RAC2: variants seen among roughly 807,000 people sequenced by gnomAD.
The protein encoded by RAC2 is Rac family small GTPase 2.
In RAC2, 1 loss-of-function variant was observed where a neutral mutation model predicts 24.0. That is an observed-to-expected ratio of 0.04 (90% CI 0.01 to 0.20). The LOEUF (loss-of-function observed/expected upper bound fraction) is 0.20. Ranked by LOEUF, RAC2 falls within the 10% of genes least tolerant of loss-of-function variation. The probability of loss-of-function intolerance (pLI) is 1.00; values close to 1 mark genes in which losing one functional copy is unlikely to be tolerated. For synonymous variants in RAC2, 114 were observed against 106.8 expected (o/e 1.07, Z -0.41); for missense variants, 130 against 259.1 (o/e 0.50, Z 3.42).
intron 2 of RAC2, among the ~76,000 whole-genome samples, chr22:37,236,423 G>T (rs186830578): frequency 2.6e-5 from 4 of 152,180 alleles, no homozygotes; most frequent in African/African-American, 9.7e-5. Flanking sequence ...CCCATTTTCC[G>T]GATGAAGAAA....
chr22:37,240,904 C>T (rs763022107), intron 2 of RAC2: 16 of 655,700 alleles, frequency 2.4e-5, no homozygotes, highest in South Asian at 5.2e-5. Context: ...CAGTAGGGTC[C>T]GGAGGAGGCA....
rs144224728 is a variant in RAC2 at position 37,231,247 on chromosome 22, T to G, written c.432A>C (p.Ala144=). The change falls in exon 5 of 7, where the codon GCA becomes GCC. Residue 144 remains alanine (A), a synonymous_variant. Transcript: ENST00000249071. The surrounding 1 kb of genome is among the most constrained non-coding windows in gnomAD (Gnocchi z 5.5). The stretch of plus-strand genomic sequence containing the variant: ...GGCCCATACCAATCTCCTTGGCCAG[T>G]GCCAGGCCCTGCGGGTAGGTGATGG... The part of the protein sequence containing the change: ...LAPITYPQGL[A]LAKEIDSVKY... 34 of 1,613,314 alleles carry G rather than the reference T, an allele frequency of 2.1e-5. No homozygotes were observed. The African/African-American group carries it at 4.0e-4, about 19-fold the overall frequency.
intron 1 of RAC2, among the ~76,000 whole-genome samples, chr22:37,243,389 T>C (rs1361465781): frequency 2.0e-5 from 3 of 152,074 alleles, no homozygotes; most frequent in African/African-American, 7.2e-5. Flanking sequence ...GAGAAGGGTC[T>C]CAGCCCAGCC....
chr22:37,231,713 T>C lies in RAC2; in HGVS notation c.288+219A>G, dbSNP rs1017432111. On this transcript the variant is annotated intron_variant, in intron 4 of 6. Transcript: ENST00000249071. The surrounding 1 kb of genome is among the most constrained non-coding windows in gnomAD (Gnocchi z 5.5). ...TGTGGGGAGGAGGAGAATGCAGCCA[T>C]GGAAAGTGGGGGTATAGCTAACTAT... Among the ~76,000 whole-genome samples, 2 of 151,872 alleles carry C rather than the reference T, an allele frequency of 1.3e-5. No individual in the cohort carries two copies. The highest frequency in any genetic ancestry group is 1.3e-4 in the Admixed American group (2 of 15,258).
chr22:37,231,934 T>G lies in RAC2; in HGVS notation c.286A>C (p.Lys96Gln). Residue 96 changes from lysine (K) to glutamine (Q), a missense_variant and splice_region_variant, in exon 4 of 7, where the codon AAG (lysine) becomes CAG (glutamine). Transcript: ENST00000249071. This position sits in a 1 kb window ranked among gnomAD's most constrained non-coding sequence, Gnocchi z 5.5. ...SPASYENVRA[K>Q]WFPEVRHHCP... The stretch of plus-strand genomic sequence containing the variant: ...AAGGCCCACCCTGTCCAGCTCACCT[T>G]GGCGCGGACGTTCTCATAAGAGGCT... 1 of 1,551,804 alleles carries G rather than the reference T, an allele frequency of 6.4e-7. No homozygotes were observed. Among genetic ancestry groups the G allele is most frequent in the Non-Finnish European group, 8.7e-7 (1 of 1,147,108 alleles).
At chr22:37,243,633 G>C (rs925732524) in intron 1 of RAC2, among the ~76,000 whole-genome samples, 8 of 152,170 alleles carry the variant, frequency 5.3e-5, no homozygotes, top group African/African-American at 1.9e-4. Flanking sequence ...GCATCCCCAG[G>C]GCATAGGCCT....
At chr22:37,243,828 C>T (rs551558731) in intron 1 of RAC2, among the ~76,000 whole-genome samples, 3 of 152,320 alleles carry the variant, frequency 2.0e-5, no homozygotes, top group Admixed American at 6.5e-5. Context: ...AGACCTGCCC[C>T]CAGCTTTTGG....
At chr22:37,241,422 A>G (rs1927388085) in intron 2 of RAC2, among the ~76,000 whole-genome samples, 165 bp downstream of exon 2, 1 of 152,156 alleles carries the variant, frequency 6.6e-6, no homozygotes, top group Middle Eastern at 3.2e-3. Flanking sequence ...AGCACCTCTC[A>G]GCGCCAGTGC....
At chr22:37,240,957 TTGAG>T (rs1327595886) in intron 2 of RAC2, 2 of 704,468 alleles carry the variant, frequency 2.8e-6, no homozygotes, top group Non-Finnish European at 5.3e-6. Context: ...AGGTGGGAGG[TTGAG>T]TGAAGGCCAT....
At chr22:37,233,772 G>A (rs1927145027) in intron 2 of RAC2, among the ~76,000 whole-genome samples, 1 of 152,242 alleles carries the variant, frequency 6.6e-6, no homozygotes, top group Admixed American at 6.5e-5. Flanking sequence ...TGTCATGGCT[G>A]TGGACTGCTG....
intron 2 of RAC2, chr22:37,241,162 C>T (rs980485678): frequency 2.6e-6 from 2 of 778,498 alleles, no homozygotes; most frequent in African/African-American, 3.4e-5. Flanking sequence ...CAGGGCCTCC[C>T]AGGCCTGCAG....
chr22:37,244,082 G>T, intron 1 of RAC2, 32 bp downstream of exon 1: 1 of 1,613,782 alleles, frequency 6.2e-7, no homozygotes, highest in Non-Finnish European at 8.5e-7. Flanking sequence ...ATCCCAGTTG[G>T]GGGCTGTGAG....
chr22:37,241,067 A>C (rs1160182322), intron 2 of RAC2: 1 of 740,708 alleles, frequency 1.4e-6, no homozygotes, highest in African/African-American at 1.7e-5. Flanking sequence ...GTGCCTCCCC[A>C]GTCATCCTTC....
chr22:37,230,264 A>C (rs1322041150), intron 5 of RAC2, among the ~76,000 whole-genome samples: 2 of 23,760 alleles, frequency 8.4e-5, no homozygotes, highest in African/African-American at 1.7e-4. Context: ...CGGCAGGGGG[A>C]GGTGGGGCGG....
At chr22:37,236,954 G>C (rs969415589) in intron 2 of RAC2, among the ~76,000 whole-genome samples, 9 of 152,176 alleles carry the variant, frequency 5.9e-5, no homozygotes, top group African/African-American at 2.2e-4. Context: ...ACTTTGGGAG[G>C]CTGAGGCAGG....
intron 2 of RAC2, among the ~76,000 whole-genome samples, chr22:37,238,161 A>G (rs1404855431): frequency 6.6e-6 from 1 of 152,040 alleles, no homozygotes; most frequent in East Asian, 1.9e-4. Flanking sequence ...CATTAAGATG[A>G]GTTTTAAGTG....
At chr22:37,234,731 T>C (rs1003813512) in intron 2 of RAC2, among the ~76,000 whole-genome samples, 3 of 152,166 alleles carry the variant, frequency 2.0e-5, no homozygotes, top group Admixed American at 2.0e-4. Flanking sequence ...GCTGTCCATA[T>C]GTTCTCACCA....
intron 2 of RAC2, among the ~76,000 whole-genome samples, chr22:37,239,570 A>AGCCTCAGCC (rs2145829870): frequency 6.6e-6 from 1 of 152,298 alleles, no homozygotes; most frequent in African/African-American, 2.4e-5. Flanking sequence ...TGGCCTCAGC[A>AGCCTCAGCC]GCCTCAGCCA....
intron 1 of RAC2, 36 bp downstream of exon 1, chr22:37,244,078 G>C: frequency 6.2e-7 from 1 of 1,613,902 alleles, no homozygotes; most frequent in Non-Finnish European, 8.5e-7. Context: ...GGGCATCCCA[G>C]TTGGGGGCTG....
Sources: gnomAD v4.1 joint callset for allele counts (sites outside exome capture counted in the v4.1 genomes callset) on GRCh38, gnomAD v4.1.1 for gene constraint, Gnocchi (gnomAD v3.1) non-coding constraint, MANE v1.5 for transcripts, NCBI Gene and HGNC (gene_info 2026-07-23, HGNC 2026-07-21) for gene names.